SMC6: variants seen among roughly 807,000 people sequenced by gnomAD.
SMC6 encodes structural maintenance of chromosomes protein 6.
SMC6 carries 79 observed loss-of-function variants against 142.2 expected under a neutral mutation model. The observed-to-expected ratio is 0.56, with a 90% CI of 0.46 to 0.67. The LOEUF is 0.67. Ranked by LOEUF, SMC6 falls within the 30% of genes least tolerant of loss-of-function variation. SMC6 has a pLI of 0.00. For synonymous variants in SMC6, 411 were observed against 412.4 expected, an observed-to-expected ratio of 1.00 and a Z score of 0.04; for missense variants, 1,072 against 1,284.0, an observed-to-expected ratio of 0.83 and a Z score of 2.52.
In SMC6 at chr2:17,695,293, T is replaced by G. The variant is rs1323419913; in HGVS notation, c.2537A>C (p.Lys846Thr). The G allele has an allele frequency of 6.2e-7, 1 of 1,612,038 alleles. No homozygotes were observed. Among genetic ancestry groups the G allele is most frequent in the Admixed American group, 1.7e-5 (1 of 59,604 alleles). Residue 846 changes from lysine to threonine, a missense_variant, in exon 23 of 28, where the codon AAA (lysine) becomes ACA (threonine). Transcript: ENST00000448223. ...LDMKEKELEE[K>T]MSQARQICPE... ...GCAGATTTGTCTTGCTTGTGACATT[T>G]TCTCCTAAGAAAGTAGATGTTTATA...
At chr2:17,749,554 GGC>G (rs144303956) in intron 2 of SMC6, among the ~76,000 whole-genome samples, 1,919 of 152,250 alleles carry the variant, frequency 0.013, 52 homozygotes, top group African/African-American at 0.044. Flanking sequence ...CAGGCGTGGT[GGC>G]GCGCGCCTAT....
intron 7 of SMC6, among the ~76,000 whole-genome samples, chr2:17,727,753 C>A (rs1025562901): frequency 6.7e-6 from 1 of 150,264 alleles, no homozygotes; most frequent in Non-Finnish European, 1.5e-5. Context: ...CACTTTAAAC[C>A]CTTCATGTTC....
chr2:17,708,280 G>A (rs979456798), intron 17 of SMC6, among the ~76,000 whole-genome samples: 1 of 151,876 alleles, frequency 6.6e-6, no homozygotes, highest in East Asian at 1.9e-4. Flanking sequence ...AAGATATCAA[G>A]CAAAATATTT....
chr2:17,714,725 C>G, intron 16 of SMC6, 136 bp downstream of exon 16: 2 of 873,330 alleles, frequency 2.3e-6, no homozygotes, highest in Non-Finnish European at 3.5e-6. Flanking sequence ...AATACCTAGA[C>G]AGAAATTAAA....
chr2:17,746,615 G>C lies in SMC6; in HGVS notation c.-5-664C>G, dbSNP rs76166500. Among the ~76,000 whole-genome samples the C allele has an allele frequency of 1.0e-3, 155 of 152,062 alleles. 1 individual carries two copies. In the East Asian group the frequency reaches 0.022, roughly 21 times the overall value. On this transcript the variant is annotated intron_variant, in intron 2 of 27. Coordinates refer to ENST00000448223, the MANE Select transcript of SMC6 (RefSeq NM_001142286.2). ...CCTAAAAAAAAAGTCCAGGTTGATT[G>C]TCTATTTTTTGCCAATATACTACAA... is the stretch of plus-strand genomic sequence containing the variant.
chr2:17,745,356 G>T (rs1166878809), intron 3 of SMC6, among the ~76,000 whole-genome samples: 1 of 152,090 alleles, frequency 6.6e-6, no homozygotes, highest in African/African-American at 2.4e-5. Context: ...TTAAAAATAT[G>T]AATTAAATCT....
chr2:17,725,645 T>C (rs974561393), intron 8 of SMC6, among the ~76,000 whole-genome samples: 1 of 152,184 alleles, frequency 6.6e-6, no homozygotes, highest in Non-Finnish European at 1.5e-5. Context: ...ACTAATTCCA[T>C]TCTTTAAGCA....
intron 7 of SMC6, among the ~76,000 whole-genome samples, chr2:17,727,215 T>TGC (rs1488494153): frequency 6.6e-6 from 1 of 152,172 alleles, no homozygotes; most frequent in Non-Finnish European, 1.5e-5. Flanking sequence ...GACTAACATT[T>TGC]CAGTCAGTGG....
chr2:17,698,001 T>G (rs906442357), intron 21 of SMC6, among the ~76,000 whole-genome samples: 9 of 152,078 alleles, frequency 5.9e-5, no homozygotes, highest in African/African-American at 2.2e-4. Flanking sequence ...GGATGAAACT[T>G]GAAAACATTA....
At chr2:17,726,247 TC>T (rs201851665) in intron 8 of SMC6, 141 bp downstream of exon 8, 24,962 of 496,536 alleles carry the variant, frequency 0.05, 1,333 homozygotes, top group African/African-American at 0.2. Context: ...AATTTCCTAA[TC>T]TAGGAAATTG....
At chr2:17,711,117 A>G (rs1668805702) in intron 16 of SMC6, among the ~76,000 whole-genome samples, 1 of 152,140 alleles carries the variant, frequency 6.6e-6, no homozygotes, top group Non-Finnish European at 1.5e-5. Context: ...AGGTTTTGAC[A>G]CTAGGAAGGA....
intron 25 of SMC6, among the ~76,000 whole-genome samples, chr2:17,678,638 T>C (rs1667105262): frequency 6.7e-6 from 1 of 149,410 alleles, no homozygotes; most frequent in Non-Finnish European, 1.5e-5. Flanking sequence ...TAGCTGGGCA[T>C]GGTGGCATGC....
At chr2:17,731,687 T>G in intron 6 of SMC6, 54 bp downstream of exon 6, 1 of 1,553,246 alleles carries the variant, frequency 6.4e-7, no homozygotes, top group Non-Finnish European at 8.8e-7. Context: ...CATCTAATTC[T>G]TTTTGAGTAT....
At chr2:17,708,800 T>C in intron 16 of SMC6, 47 bp from the exon 17 acceptor site, 1 of 794,442 alleles carries the variant, frequency 1.3e-6, no homozygotes, top group Admixed American at 3.4e-5. Flanking sequence ...ATTTTAATTA[T>C]AAATATATAC....
At chr2:17,726,087 T>TAAAAAAAAAAAAAAAAAAAAAAAAAAAA (rs35471536) in intron 8 of SMC6, among the ~76,000 whole-genome samples, 1 of 54,966 alleles carries the variant, frequency 1.8e-5, no homozygotes, top group African/African-American at 9.1e-5. Context: ...GGCTCTGTCT[T>TAAAAAAAAAAAAAAAAAAAAAAAAAAAA]AAAAAAAAAA....
chr2:17,672,544 T>A (rs1347969833), intron 25 of SMC6, among the ~76,000 whole-genome samples: 1 of 152,162 alleles, frequency 6.6e-6, no homozygotes, highest in Non-Finnish European at 1.5e-5. Flanking sequence ...GACACAAGAA[T>A]ATCCCCAGCA....
chr2:17,685,543 G>A (rs1667414500), intron 23 of SMC6, among the ~76,000 whole-genome samples: 1 of 152,040 alleles, frequency 6.6e-6, no homozygotes, highest in Non-Finnish European at 1.5e-5. Context: ...TTTTCAAATG[G>A]CTGCATAGTC....
At chr2:17,725,913 C>A (rs1022118037) in intron 8 of SMC6, among the ~76,000 whole-genome samples, 12 of 151,644 alleles carry the variant, frequency 7.9e-5, no homozygotes, top group Admixed American at 4.6e-4. Context: ...ACTGGTGAAA[C>A]CCCATCTCTA....
At chr2:17,691,409 T>C (rs911349313) in intron 23 of SMC6, among the ~76,000 whole-genome samples, 1 of 150,476 alleles carries the variant, frequency 6.6e-6, no homozygotes, top group African/African-American at 2.4e-5. Context: ...GACATGTGGG[T>C]TGATTACATA....
Sources: allele counts gnomAD v4.1 joint callset (sites outside exome capture counted in the v4.1 genomes callset), GRCh38; gene constraint gnomAD v4.1.1; transcripts MANE v1.5; gene names NCBI Gene and HGNC (gene_info 2026-07-23, HGNC 2026-07-21).